The following OPCML variants were observed in gnomAD, a reference collection of about 807,000 sequenced individuals.
The protein encoded by OPCML is opioid binding protein/cell adhesion molecule like, also known as opioid-binding protein/cell adhesion molecule.
OPCML carries 13 observed loss-of-function variants against 37.8 expected under a neutral mutation model. That is an observed-to-expected ratio of 0.34 (90% confidence interval 0.22 to 0.55). The LOEUF is 0.55. Ranked by LOEUF, OPCML falls within the 20% of genes least tolerant of loss-of-function variation. The pLI, the probability that OPCML is intolerant of heterozygous loss-of-function variation, is 0.91. For synonymous variants in OPCML, 176 were observed against 168.8 expected (o/e 1.04, Z -0.33); for missense variants, 341 against 435.6 (o/e 0.78, Z 1.93).
At chr11:133,325,480 T>G (rs532224901) in intron 1 of OPCML, among the ~76,000 whole-genome samples, 1 of 152,336 alleles carries the variant, frequency 6.6e-6, no homozygotes, top group Non-Finnish European at 1.5e-5. Context: ...GAAGTAATTT[T>G]AACGCCTATC....
intron 1 of OPCML, among the ~76,000 whole-genome samples, chr11:133,501,158 C>T (rs537453116): frequency 3.3e-5 from 5 of 152,260 alleles, no homozygotes; most frequent in Non-Finnish European, 5.9e-5. Context: ...AAGGGATCAC[C>T]GCAAACAGAA....
intron 2 of OPCML, among the ~76,000 whole-genome samples, chr11:132,778,350 G>A (rs1946878783): frequency 2.0e-5 from 3 of 152,144 alleles, no homozygotes; most frequent in South Asian, 2.1e-4. Flanking sequence ...TTACACCTCC[G>A]TTTATTCAAC....
intron 3 of OPCML, among the ~76,000 whole-genome samples, chr11:132,595,369 C>T (rs756861514): frequency 5.9e-5 from 9 of 152,112 alleles, no homozygotes; most frequent in Non-Finnish European, 1.0e-4. Context: ...ATAAATGTGT[C>T]CCTGTCCTGC....
chr11:132,862,599 T>C (rs2097697923), intron 2 of OPCML, among the ~76,000 whole-genome samples: 2 of 152,166 alleles, frequency 1.3e-5, no homozygotes, highest in Non-Finnish European at 2.9e-5. Flanking sequence ...TGCTTTCCAT[T>C]GCTTGTGGCC....
intron 3 of OPCML, among the ~76,000 whole-genome samples, chr11:132,534,398 C>T (rs2096334687): frequency 6.6e-6 from 1 of 152,080 alleles, no homozygotes; most frequent in East Asian, 1.9e-4. Context: ...CTGTGCTTGC[C>T]ACATAATATT....
chr11:133,507,484 G>C (rs774149594), intron 1 of OPCML, among the ~76,000 whole-genome samples: 1 of 152,198 alleles, frequency 6.6e-6, no homozygotes, highest in Non-Finnish European at 1.5e-5. Flanking sequence ...AGCCAGTGAT[G>C]CTTGCAAGAA....
At chr11:132,837,344 A>C (rs895393000) in intron 2 of OPCML, among the ~76,000 whole-genome samples, 3 of 152,080 alleles carry the variant, frequency 2.0e-5, no homozygotes, top group African/African-American at 7.2e-5. Flanking sequence ...ACAAACAAAC[A>C]AACAAAACAG....
At chr11:133,023,974 A>G (rs982198980) in intron 1 of OPCML, among the ~76,000 whole-genome samples, 1 of 152,234 alleles carries the variant, frequency 6.6e-6, no homozygotes, top group Admixed American at 6.5e-5. Flanking sequence ...AGCCAGCAGC[A>G]TGGATCAGAC....
intron 7 of OPCML, among the ~76,000 whole-genome samples, chr11:132,423,569 C>A (rs2095967406): frequency 1.3e-5 from 2 of 152,202 alleles, no homozygotes; most frequent in Admixed American, 6.5e-5. Context: ...TGAACTCATT[C>A]TTTAATTGCA....
chr11:133,286,543 T>C (rs1307910334), intron 1 of OPCML, among the ~76,000 whole-genome samples: 1 of 151,994 alleles, frequency 6.6e-6, no homozygotes, highest in Non-Finnish European at 1.5e-5. Flanking sequence ...AGTGTTCATT[T>C]GATTTCTCAC....
chr11:133,452,416 T>C (rs7926647), intron 1 of OPCML, among the ~76,000 whole-genome samples: 24,679 of 151,158 alleles, frequency 0.16, 2,337 homozygotes, highest in Admixed American at 0.21. Context: ...AAAAATATCA[T>C]ATAAAATTGG....
chr11:133,485,788 A>G (rs1947513323), intron 1 of OPCML, among the ~76,000 whole-genome samples: 1 of 152,228 alleles, frequency 6.6e-6, no homozygotes, highest in South Asian at 2.1e-4. Flanking sequence ...GCAAAGCAGT[A>G]AACACATTTG....
chr11:133,368,791 A>C (rs1030994728), intron 1 of OPCML, among the ~76,000 whole-genome samples: 1 of 152,208 alleles, frequency 6.6e-6, no homozygotes, highest in Non-Finnish European at 1.5e-5. Flanking sequence ...GCCTCCACTT[A>C]GGATAGGAGC....
At chr11:133,119,296 T>A (rs1383359790) in intron 1 of OPCML, among the ~76,000 whole-genome samples, 2 of 152,040 alleles carry the variant, frequency 1.3e-5, no homozygotes, top group African/African-American at 4.8e-5. Flanking sequence ...TATCTATGTA[T>A]CTGTATAGAT....
chr11:132,998,539 G>C lies in OPCML; in HGVS notation c.62-55529C>G, dbSNP rs140246600. ...TTCATAGATGTTCATAACCAAAAAG[G>C]GGAAAAAACAATCCCCAACACAATT... On this transcript the variant is annotated intron_variant, in intron 1 of 7. Coordinates refer to ENST00000524381, the MANE Select transcript of OPCML (RefSeq NM_001012393.5). 1.4e-3 allele frequency among the ~76,000 whole-genome samples: 219 copies of C among 152,124 alleles called. 2 individuals carry two copies. The highest frequency in any genetic ancestry group is 5.0e-3 in the African/African-American group (207 of 41,498).
At chr11:133,445,196 C>T (rs1021432184) in intron 1 of OPCML, among the ~76,000 whole-genome samples, 2 of 150,992 alleles carry the variant, frequency 1.3e-5, no homozygotes, top group African/African-American at 4.9e-5. Context: ...CCATGGTGAT[C>T]CTGGATGGTG....
At chr11:132,697,711 GCA>G (rs1591744964) in intron 2 of OPCML, among the ~76,000 whole-genome samples, 1 of 152,014 alleles carries the variant, frequency 6.6e-6, no homozygotes, top group East Asian at 1.9e-4. Context: ...TGGCTATTGT[GCA>G]CAGTGTTGCA....
intron 1 of OPCML, among the ~76,000 whole-genome samples, chr11:133,207,347 G>C (rs1481391042): frequency 1.3e-5 from 2 of 151,926 alleles, no homozygotes; most frequent in African/African-American, 4.8e-5. Flanking sequence ...CCGTCTAAAT[G>C]GTGTCTTTGA....
intron 2 of OPCML, among the ~76,000 whole-genome samples, chr11:132,824,163 G>T (rs545492162): frequency 1.4e-4 from 22 of 152,070 alleles, no homozygotes; most frequent in Non-Finnish European, 2.1e-4. Flanking sequence ...AAAATCTTGT[G>T]TTCTGAACCA....
Sources: allele counts gnomAD v4.1 joint callset (sites outside exome capture counted in the v4.1 genomes callset), GRCh38; gene constraint gnomAD v4.1.1; transcripts MANE v1.5; gene names NCBI Gene and HGNC (gene_info 2026-07-23, HGNC 2026-07-21).